BLTP1: variants seen among roughly 807,000 people sequenced by gnomAD.
The protein encoded by BLTP1 is fragile site-associated protein.
At chr4:122,242,927 C>T in the BLTP1 span, 1 of 911,254 alleles carries the variant, frequency 1.1e-6, no homozygotes, top group Non-Finnish European at 1.8e-6. Flanking sequence ...CAGGTATTTA[C>T]ATATATCAGT....
At chr4:122,243,576 A>G in the BLTP1 span, 2 of 379,738 alleles carry the variant, frequency 5.3e-6, no homozygotes, top group East Asian at 1.6e-4. Context: ...CCCCATCTCT[A>G]CTTTTTAGTA....
At chr4:122,238,413 G>A in the BLTP1 span, 7 of 1,445,542 alleles carry the variant, frequency 4.8e-6, no homozygotes, top group South Asian at 6.3e-5. Flanking sequence ...TTAAAATTCT[G>A]GCAAGAAAAA....
the BLTP1 span, among the ~76,000 whole-genome samples, chr4:122,297,294 G>T: frequency 6.6e-6 from 1 of 152,034 alleles, no homozygotes; most frequent in Non-Finnish European, 1.5e-5. Context: ...GCCAACAAAC[G>T]TATGAAAAAA....
chr4:122,256,027 A>T, the BLTP1 span: 48 of 980,672 alleles, frequency 4.9e-5, no homozygotes, highest in Non-Finnish European at 5.8e-5. Context: ...ATATACAATC[A>T]CACAAAATAA....
At chr4:122,186,443 T>TAC in the BLTP1 span, among the ~76,000 whole-genome samples, 1 of 152,036 alleles carries the variant, frequency 6.6e-6, no homozygotes, top group Non-Finnish European at 1.5e-5. Flanking sequence ...ACACAAATCC[T>TAC]ACTTTTCTCC....
the BLTP1 span, chr4:122,282,160 T>C: frequency 1.2e-6 from 1 of 812,916 alleles, no homozygotes; most frequent in Non-Finnish European, 1.5e-6. Flanking sequence ...AACAGCTAAT[T>C]CTGTATGGTT....
At chr4:122,187,935 T>A in the BLTP1 span, 1 of 1,591,294 alleles carries the variant, frequency 6.3e-7, no homozygotes, top group Non-Finnish European at 8.5e-7. Context: ...CCGCAAACTC[T>A]GTGCATCAAC....
the BLTP1 span, chr4:122,247,022 T>G: frequency 7.6e-7 from 1 of 1,309,886 alleles, no homozygotes; most frequent in Non-Finnish European, 1.0e-6. Flanking sequence ...CAGTAAACAT[T>G]GAATAATTTT....
chr4:122,322,610 A>T, the BLTP1 span, among the ~76,000 whole-genome samples: 1 of 152,158 alleles, frequency 6.6e-6, no homozygotes, highest in Non-Finnish European at 1.5e-5. Flanking sequence ...TTACCAAGTA[A>T]AAAGAGCTGC....
chr4:122,349,783 G>A, the BLTP1 span: 175 of 1,569,244 alleles, frequency 1.1e-4, no homozygotes, highest in African/African-American at 2.1e-3. The surrounding 1 kb of genome is among the most constrained non-coding windows in gnomAD (Gnocchi z 4.5). Context: ...GCTGGGCGGG[G>A]GAAGAAAATG....
At chr4:122,319,730 G>A in the BLTP1 span, among the ~76,000 whole-genome samples, 6 of 151,526 alleles carry the variant, frequency 4.0e-5, no homozygotes, top group East Asian at 1.9e-4. Flanking sequence ...TAGTAGAGAC[G>A]GGGTTTCACC....
At chr4:122,316,791 A>T in the BLTP1 span, 27 of 1,613,492 alleles carry the variant, frequency 1.7e-5, 1 homozygote, top group Middle Eastern at 8.3e-4. Flanking sequence ...AACTTAGAGG[A>T]AGAAAAATTA....
chr4:122,194,719 A>G, the BLTP1 span: 1 of 827,208 alleles, frequency 1.2e-6, no homozygotes, highest in Non-Finnish European at 1.5e-6. Flanking sequence ...ACTGTATTTA[A>G]TTTCATTATG....
At chr4:122,207,418 T>G in the BLTP1 span, 2 of 1,437,432 alleles carry the variant, frequency 1.4e-6, no homozygotes, top group South Asian at 3.0e-5. Context: ...TTTCAGAGTT[T>G]GTATTGGACT....
the BLTP1 span, chr4:122,209,694 C>G: frequency 8.1e-7 from 1 of 1,235,598 alleles, no homozygotes; most frequent in Non-Finnish European, 1.1e-6. Flanking sequence ...GTATTTTGTG[C>G]TTATATGTGG....
At chr4:122,349,800 G>A in the BLTP1 span, 4 of 1,586,210 alleles carry the variant, frequency 2.5e-6, no homozygotes, top group South Asian at 1.1e-5. This position sits in a 1 kb window ranked among gnomAD's most constrained non-coding sequence, Gnocchi z 4.5. Context: ...AATGTTTCTT[G>A]TACTTTTTGA....
chr4:122,248,702 A>G, the BLTP1 span, among the ~76,000 whole-genome samples: 21 of 152,202 alleles, frequency 1.4e-4, no homozygotes, highest in African/African-American at 4.3e-4. Context: ...TGACATTTCC[A>G]TAGCATAGAA....
At chr4:122,234,531 C>G in the BLTP1 span, among the ~76,000 whole-genome samples, 1 of 149,150 alleles carries the variant, frequency 6.7e-6, no homozygotes, top group Admixed American at 6.7e-5. Flanking sequence ...TAATGTATGC[C>G]GTATCTCTAT....
At chr4:122,297,079 T>G in the BLTP1 span, among the ~76,000 whole-genome samples, 1 of 152,164 alleles carries the variant, frequency 6.6e-6, no homozygotes, top group Non-Finnish European at 1.5e-5. Context: ...TGGGATCTAA[T>G]TAAACTAAAG....
Sources: allele counts gnomAD v4.1 joint callset (sites outside exome capture counted in the v4.1 genomes callset), GRCh38; gene constraint gnomAD v4.1.1; non-coding constraint Gnocchi (gnomAD v3.1); transcripts MANE v1.5; gene names NCBI Gene and HGNC (gene_info 2026-07-23, HGNC 2026-07-21).